The following TBCE variants were observed in gnomAD, a reference collection of about 807,000 sequenced individuals.
TBCE encodes tubulin-specific chaperone E.
Under a neutral mutation model 77.0 loss-of-function variants are expected in TBCE, and 53 were observed. That is an observed-to-expected ratio of 0.69 (90% CI 0.55 to 0.87). TBCE has a LOEUF of 0.87. TBCE is among the 40% of genes least tolerant of loss of function. TBCE has a pLI of 0.00. For synonymous variants in TBCE, 235 were observed against 241.3 expected, an observed-to-expected ratio of 0.97 and a Z score of 0.24; for missense variants, 624 against 622.4, an observed-to-expected ratio of 1.00 and a Z score of -0.03.
At chr1:235,374,161 G>A (rs1168868379) in intron 1 of TBCE, among the ~76,000 whole-genome samples, 1 of 142,878 alleles carries the variant, frequency 7.0e-6, no homozygotes, top group Non-Finnish European at 1.5e-5. Flanking sequence ...TCACCATGTT[G>A]GCCAGGCTGG....
intron 1 of TBCE, among the ~76,000 whole-genome samples, chr1:235,376,305 C>A (rs900576070): frequency 1.3e-5 from 2 of 152,138 alleles, no homozygotes; most frequent in African/African-American, 4.8e-5. Context: ...TCTGGTTTTA[C>A]TTCCCATTGA....
intron 15 of TBCE, among the ~76,000 whole-genome samples, chr1:235,447,401 A>G (rs1265024658): frequency 6.6e-6 from 1 of 152,218 alleles, no homozygotes; most frequent in Admixed American, 6.5e-5. Context: ...AATATCCACT[A>G]TTTACCACAA....
intron 13 of TBCE, among the ~76,000 whole-genome samples, chr1:235,439,451 A>C (rs981830208): frequency 2.7e-5 from 4 of 150,798 alleles, no homozygotes; most frequent in African/African-American, 7.3e-5. Context: ...AGCCGAGATC[A>C]CACCACTGTA....
chr1:235,395,238 T>C (rs2102844632), intron 2 of TBCE, among the ~76,000 whole-genome samples: 1 of 152,262 alleles, frequency 6.6e-6, no homozygotes, highest in East Asian at 1.9e-4. Flanking sequence ...TGTGGGTACA[T>C]AGTAGGTGTA....
chr1:235,407,145 T>A (rs1362850050), intron 3 of TBCE, among the ~76,000 whole-genome samples: 1 of 151,394 alleles, frequency 6.6e-6, no homozygotes, highest in African/African-American at 2.4e-5. Flanking sequence ...TTTTTTTTTT[T>A]TTTTTGGACG....
In TBCE at chr1:235,448,450, C is replaced by T. The variant is rs1332457792; in HGVS notation, c.1491+10C>T. The T allele has an allele frequency of 2.5e-6, 4 of 1,612,884 alleles. No individual in the cohort carries two copies. Among genetic ancestry groups the T allele is most frequent in the Non-Finnish European group, 2.5e-6 (3 of 1,179,130 alleles). On this transcript the variant is annotated intron_variant, in intron 16 of 16. Transcript: ENST00000642610. ...CTATGAAAGTCCCAAAGTAAGTTGC[C>T]CAGCAAAATACAAAGTCAAAGTCAA... is the stretch of plus-strand genomic sequence containing the variant.
intron 2 of TBCE, among the ~76,000 whole-genome samples, chr1:235,390,185 G>C (rs142449550): frequency 1.4e-4 from 22 of 152,110 alleles, no homozygotes; most frequent in African/African-American, 5.3e-4. Context: ...ATGGCTTCTT[G>C]TAATTGGAGA....
At chr1:235,423,124 C>G (rs1317983669) in intron 5 of TBCE, among the ~76,000 whole-genome samples, 1 of 152,096 alleles carries the variant, frequency 6.6e-6, no homozygotes, top group Non-Finnish European at 1.5e-5. Context: ...GTTGGTCTGT[C>G]TTTGAGGTTA....
At chr1:235,372,444 G>A (rs932681846) in intron 1 of TBCE, among the ~76,000 whole-genome samples, 1 of 152,154 alleles carries the variant, frequency 6.6e-6, no homozygotes, top group African/African-American at 2.4e-5. Flanking sequence ...AAAAATCAAA[G>A]CTGTTTTTAG....
At chr1:235,405,895 G>C (rs1243409676) in intron 3 of TBCE, among the ~76,000 whole-genome samples, 1 of 152,066 alleles carries the variant, frequency 6.6e-6, no homozygotes, top group Non-Finnish European at 1.5e-5. Flanking sequence ...GATTTTTTCA[G>C]CTCCAGTGTG....
At chr1:235,396,184 G>A (rs1678708770) in intron 2 of TBCE, among the ~76,000 whole-genome samples, 1 of 151,696 alleles carries the variant, frequency 6.6e-6, no homozygotes, top group Non-Finnish European at 1.5e-5. Context: ...CTCAGCCTCC[G>A]AGTAGCTGGG....
At chr1:235,399,351 C>T (rs912392199) in intron 2 of TBCE, among the ~76,000 whole-genome samples, 1 of 152,140 alleles carries the variant, frequency 6.6e-6, no homozygotes, top group African/African-American at 2.4e-5. Context: ...TTCTCAACTC[C>T]CATACCTCTT....
intron 5 of TBCE, chr1:235,423,848 G>GT (rs1003679653): frequency 6.6e-6 from 1 of 152,372 alleles, no homozygotes; most frequent in African/African-American, 2.4e-5. Context: ...CTCTTGGGCT[G>GT]TAATAGTCCA....
intron 1 of TBCE, among the ~76,000 whole-genome samples, chr1:235,371,556 A>G (rs1676956168): frequency 1.3e-5 from 2 of 151,384 alleles, no homozygotes; most frequent in African/African-American, 2.4e-5. Context: ...TTGTATTTTT[A>G]TTAGAGATGG....
chr1:235,414,602 A>G lies in TBCE; in HGVS notation c.355A>G (p.Ile119Val), dbSNP rs763540099. 1.2e-6 allele frequency: 2 copies of G among 1,613,738 alleles called. No homozygotes were observed. The highest frequency in any genetic ancestry group is 1.1e-5 in the South Asian group (1 of 91,070). The stretch of plus-strand genomic sequence containing the variant: ...TGTGGAGACTATCGGTTTTGACTCT[A>G]TTATGAAACAGCAAAGGTAAGTGGA... ...KPVETIGFDS[I>V]MKQQSQLSKL... Residue 119 changes from isoleucine to valine, a missense_variant, in exon 4 of 17, where the codon ATT becomes GTT. Coordinates refer to ENST00000642610, the MANE Select transcript of TBCE (RefSeq NM_003193.5).
chr1:235,413,319 T>C (rs1679917963), intron 3 of TBCE, among the ~76,000 whole-genome samples: 2 of 151,040 alleles, frequency 1.3e-5, no homozygotes, highest in African/African-American at 2.4e-5. Flanking sequence ...TATGGTTGTG[T>C]CACTGCACTC....
At chr1:235,388,001 G>A (rs547041818) in intron 2 of TBCE, among the ~76,000 whole-genome samples, 3 of 152,308 alleles carry the variant, frequency 2.0e-5, no homozygotes, top group African/African-American at 2.4e-5. Context: ...GGAGGCTGTG[G>A]AAGTCTTTAA....
chr1:235,432,898 A>G (rs1443963524), intron 7 of TBCE: 3 of 735,492 alleles, frequency 4.1e-6, no homozygotes, highest in East Asian at 5.3e-5. Flanking sequence ...ATTATATAAT[A>G]TATAATAATT....
chr1:235,399,045 T>C (rs1159031632), intron 2 of TBCE, among the ~76,000 whole-genome samples: 1 of 148,590 alleles, frequency 6.7e-6, no homozygotes, highest in Non-Finnish European at 1.5e-5. Context: ...CCTCCATACC[T>C]CAGGCTCAAG....
Sources: gnomAD v4.1 joint callset for allele counts (sites outside exome capture counted in the v4.1 genomes callset) on GRCh38, gnomAD v4.1.1 for gene constraint, MANE v1.5 for transcripts, NCBI Gene and HGNC (gene_info 2026-07-23, HGNC 2026-07-21) for gene names.